ANKRD11: variants seen among roughly 807,000 people sequenced by gnomAD.
The protein encoded by ANKRD11 is ankyrin repeat domain 11.
A neutral mutation model predicts 195.7 loss-of-function variants in ANKRD11; 17 were observed. The observed-to-expected ratio is 0.09, with a 90% CI of 0.06 to 0.13. The LOEUF is 0.13. ANKRD11 is among the 10% of genes least tolerant of loss of function. The pLI, the probability that ANKRD11 is intolerant of heterozygous loss-of-function variation, is 1.00. For missense variants in ANKRD11, 3,735 were observed against 3,566.1 expected, an observed-to-expected ratio of 1.05 and a Z score of -1.21; for synonymous variants, 1,953 against 1,528.1, an observed-to-expected ratio of 1.28 and a Z score of -6.49.
At chr16:89,311,631 GA>G (rs2036612054) in intron 3 of ANKRD11, among the ~76,000 whole-genome samples, 1 of 152,104 alleles carries the variant, frequency 6.6e-6, no homozygotes, top group African/African-American at 2.4e-5. Context: ...CAAACTTACA[GA>G]ACACAGGAAA....
intron 1 of ANKRD11, chr16:89,459,463 C>T (rs1434845369): frequency 6.6e-6 from 1 of 152,140 alleles, no homozygotes; most frequent in African/African-American, 2.4e-5. Context: ...TGAAAGTATC[C>T]TTTCCTTTCT....
chr16:89,389,216 G>C (rs1474567627), intron 2 of ANKRD11, among the ~76,000 whole-genome samples: 1 of 151,796 alleles, frequency 6.6e-6, no homozygotes, highest in African/African-American at 2.4e-5. Context: ...GTAGAGATGA[G>C]GTCTCCTTAC....
At chr16:89,300,841 C>A in intron 4 of ANKRD11, 1 of 701,852 alleles carries the variant, frequency 1.4e-6, no homozygotes, top group Non-Finnish European at 2.6e-6. Flanking sequence ...ATAAGAAAAT[C>A]ATAATTTTTC....
intron 2 of ANKRD11, among the ~76,000 whole-genome samples, chr16:89,317,988 G>C (rs1052238407): frequency 1.3e-5 from 2 of 152,158 alleles, no homozygotes; most frequent in Non-Finnish European, 2.9e-5. Flanking sequence ...CACAAAGCCT[G>C]CAAGAACTTT....
At chr16:89,479,093 G>T (rs745612372) in intron 1 of ANKRD11, among the ~76,000 whole-genome samples, 37 of 152,142 alleles carry the variant, frequency 2.4e-4, no homozygotes, top group Middle Eastern at 6.8e-3. Context: ...GGGTCCTCCT[G>T]TTCCTGTGGA....
intron 1 of ANKRD11, among the ~76,000 whole-genome samples, chr16:89,441,807 C>G (rs1191350340): frequency 8.2e-6 from 1 of 121,426 alleles, no homozygotes; most frequent in Non-Finnish European, 1.8e-5. Context: ...AAACCTGACT[C>G]TTAAAAAATT....
At position 89,270,850 on chromosome 16, in the gene ANKRD11, G is replaced by C. The variant is rs141407178; in HGVS notation, c.7773C>G (p.Leu2591=). ...RFNARQFISW[L]QDVDDKYDRM... ...GGTCATACTTGTCATCCACGTCCTG[G>C]AGCCAGGAGATGAACTGGCGGGCGT... Residue 2591 remains leucine, a synonymous_variant, in exon 12 of 13, where the codon CTC becomes CTG. Coordinates refer to ENST00000301030, the MANE Select transcript of ANKRD11 (RefSeq NM_013275.6). 1.2e-6 allele frequency: 2 copies of C among 1,613,882 alleles called. No homozygotes were observed. Among genetic ancestry groups the C allele is most frequent in the African/African-American group, 1.3e-5 (1 of 74,880 alleles).
intron 2 of ANKRD11, among the ~76,000 whole-genome samples, chr16:89,384,251 C>G (rs114127813): frequency 0.021 from 3,168 of 152,238 alleles, 125 homozygotes; most frequent in African/African-American, 0.073. Context: ...TTTCTCAAGG[C>G]TGGGCACGGT....
At chr16:89,393,295 T>A (rs1004695662) in intron 2 of ANKRD11, among the ~76,000 whole-genome samples, 1 of 151,704 alleles carries the variant, frequency 6.6e-6, no homozygotes, top group Admixed American at 6.6e-5. Context: ...TTCCTCTTTT[T>A]TTTACTTTTT....
chr16:89,290,913 G>C, intron 5 of ANKRD11, 85 bp from the exon 6 acceptor site: 2 of 1,608,626 alleles, frequency 1.2e-6, no homozygotes, highest in Non-Finnish European at 1.7e-6. Flanking sequence ...CCACCATCAC[G>C]AGGTCCCTTT....
At chr16:89,483,935 A>G (rs527752415) in intron 1 of ANKRD11, among the ~76,000 whole-genome samples, 178 of 152,374 alleles carry the variant, frequency 1.2e-3, no homozygotes, top group Non-Finnish European at 2.3e-3. Context: ...TATGTATGTA[A>G]TTTAAATAAA....
At chr16:89,306,140 A>C (rs1344603659) in intron 3 of ANKRD11, among the ~76,000 whole-genome samples, 2 of 46,266 alleles carry the variant, frequency 4.3e-5, no homozygotes, top group Non-Finnish European at 4.1e-5. Flanking sequence ...CTTACCTCCC[A>C]CTCCGCAGAC....
At chr16:89,290,250 G>A (rs1567591067) in intron 6 of ANKRD11, among the ~76,000 whole-genome samples, 1 of 23,222 alleles carries the variant, frequency 4.3e-5, no homozygotes, top group African/African-American at 1.2e-4. Context: ...TCCAGCGGGG[G>A]GTAGGCTCAG....
chr16:89,405,543 G>A (rs970889803), intron 2 of ANKRD11, among the ~76,000 whole-genome samples: 13 of 144,900 alleles, frequency 9.0e-5, no homozygotes, highest in Admixed American at 7.0e-4. Flanking sequence ...TATGTTGTCC[G>A]GGCTGGTCTC....
chr16:89,284,830 G>C lies in ANKRD11; in HGVS notation c.1712C>G (p.Thr571Arg). Residue 571 changes from threonine (T) to arginine (R), a missense_variant, in exon 9 of 13, where the codon ACG (threonine) becomes AGG (arginine). Physicochemically the swap from Thr to Arg is moderately conservative, Grantham distance 71. Transcript: ENST00000301030. ...EVSSLSDSTR[T>R]RLTSESDYSS... ...GTAGTCAGACTCGCTTGTCAGTCTC[G>C]TCCTTGTGGAGTCTGATAAAGAACT... 6.2e-7 allele frequency: 1 copy of C among 1,613,892 alleles called. No homozygotes were observed. Among genetic ancestry groups the C allele is most frequent in the Non-Finnish European group, 8.5e-7 (1 of 1,180,020 alleles).
chr16:89,322,180 A>G (rs1039909673), intron 2 of ANKRD11, among the ~76,000 whole-genome samples: 2 of 152,204 alleles, frequency 1.3e-5, no homozygotes, highest in African/African-American at 4.8e-5. Context: ...TGTATTGTTC[A>G]AGGGTTTGCT....
At chr16:89,426,892 C>G (rs1377262873) in intron 1 of ANKRD11, among the ~76,000 whole-genome samples, 1 of 152,252 alleles carries the variant, frequency 6.6e-6, no homozygotes, top group Non-Finnish European at 1.5e-5. Context: ...CCTCTCACAA[C>G]ACTCATCTGT....
chr16:89,482,391 C>G (rs568240525), intron 1 of ANKRD11, among the ~76,000 whole-genome samples: 1 of 152,102 alleles, frequency 6.6e-6, no homozygotes, highest in African/African-American at 2.4e-5. Flanking sequence ...AACAGGGAAA[C>G]GCTGAGAAAT....
At chr16:89,442,558 C>T (rs1001719697) in intron 1 of ANKRD11, among the ~76,000 whole-genome samples, 7 of 152,144 alleles carry the variant, frequency 4.6e-5, no homozygotes, top group African/African-American at 1.7e-4. Context: ...TCAAAACAAA[C>T]CTGTTTCCAC....
Sources: gnomAD v4.1 joint callset for allele counts (sites outside exome capture counted in the v4.1 genomes callset) on GRCh38, gnomAD v4.1.1 for gene constraint, MANE v1.5 for transcripts, NCBI Gene and HGNC (gene_info 2026-07-23, HGNC 2026-07-21) for gene names.